Variants in OR7C1 observed in about 807,000 individuals in gnomAD.
OR7C1 encodes olfactory receptor family 7 subfamily C member 1, also known as olfactory receptor 7C1.
For missense variants in OR7C1, 324 were observed against 383.3 expected (o/e 0.85, Z 1.29); for synonymous variants, 152 against 160.7 (o/e 0.95, Z 0.41).
exon 5 of OR7C1, chr19:14,799,752 G>A: frequency 1.2e-6 from 2 of 1,614,048 alleles, no homozygotes; most frequent in Non-Finnish European, 1.7e-6. Context: ...TAGTGCAGGG[G>A]GTGACAGACG....
chr19:14,799,095 A>G, exon 5 of OR7C1: 1 of 1,495,010 alleles, frequency 6.7e-7, no homozygotes, highest in Middle Eastern at 1.8e-4. Flanking sequence ...GTAATTCCAG[A>G]ACTAAAAGAG....
At chr19:14,813,848 G>A (rs1056537439) in intron 1 of OR7C1, among the ~76,000 whole-genome samples, 3 of 151,936 alleles carry the variant, frequency 2.0e-5, no homozygotes, top group South Asian at 2.1e-4. Flanking sequence ...TGACACATGG[G>A]GATTACAATT....
chr19:14,828,159 A>G lies in OR7C1; in HGVS notation c.-623+6915T>C, dbSNP rs201864574. On this transcript the variant is annotated intron_variant, in intron 1 of 4. Transcript: ENST00000641666. ...CAGGTACATGGACAGGAACAGCCCAAAGAGGAAGGGTTGCAGTCCAGGTTC... is the reference window on the plus strand; with the variant it reads ...CAGGTACATGGACAGGAACAGCCCAGAGAGGAAGGGTTGCAGTCCAGGTTC... 2.7e-5 allele frequency: 44 copies of G among 1,614,164 alleles called. No individual in the cohort carries two copies. The highest frequency in any genetic ancestry group is 1.6e-4 in the Middle Eastern group (1 of 6,062).
At chr19:14,828,478 T>C (rs2044797154) in intron 1 of OR7C1, among the ~76,000 whole-genome samples, 1 of 152,120 alleles carries the variant, frequency 6.6e-6, no homozygotes, top group Non-Finnish European at 1.5e-5. Context: ...TAAGAACTTC[T>C]GGCTGGGCAC....
chr19:14,829,977 C>T (rs1363423078), intron 1 of OR7C1, among the ~76,000 whole-genome samples: 1 of 152,218 alleles, frequency 6.6e-6, no homozygotes, highest in Non-Finnish European at 1.5e-5. Flanking sequence ...ATCCTCCTGC[C>T]TCAGCCTCCC....
chr19:14,806,563 T>G (rs2044667364), intron 2 of OR7C1, among the ~76,000 whole-genome samples: 1 of 151,918 alleles, frequency 6.6e-6, no homozygotes, highest in Non-Finnish European at 1.5e-5. Flanking sequence ...GGCGTCAGTA[T>G]GTGTTGTTCC....
At chr19:14,828,366 A>T in intron 1 of OR7C1, 1 of 1,129,772 alleles carries the variant, frequency 8.9e-7, no homozygotes, top group Non-Finnish European at 1.2e-6. Context: ...CATTTTGTGT[A>T]TGAATCTGGT....
At chr19:14,817,430 ACCTATGCCT>A (rs1354346286) in intron 1 of OR7C1, among the ~76,000 whole-genome samples, 1 of 152,258 alleles carries the variant, frequency 6.6e-6, no homozygotes, top group East Asian at 1.9e-4. Context: ...TGGCTAGAGG[ACCTATGCCT>A]CACTCTTTCC....
intron 1 of OR7C1, among the ~76,000 whole-genome samples, chr19:14,823,984 T>A (rs2044753530): frequency 6.6e-6 from 1 of 152,208 alleles, no homozygotes; most frequent in African/African-American, 2.4e-5. Context: ...CTGTATTCTT[T>A]TCCATTGGTC....
chr19:14,827,115 C>G (rs1291232999), intron 1 of OR7C1: 2 of 592,354 alleles, frequency 3.4e-6, no homozygotes, highest in African/African-American at 3.9e-5. Context: ...TATCAGAGAG[C>G]AGAAAGCTTA....
At chr19:14,816,590 CA>C (rs2044717407) in intron 1 of OR7C1, among the ~76,000 whole-genome samples, 1 of 152,194 alleles carries the variant, frequency 6.6e-6, no homozygotes, top group Non-Finnish European at 1.5e-5. Flanking sequence ...CCTTCAGCCG[CA>C]GACTGAAGGC....
intron 1 of OR7C1, among the ~76,000 whole-genome samples, chr19:14,831,037 C>T (rs2044827220): frequency 6.6e-6 from 1 of 152,212 alleles, no homozygotes; most frequent in South Asian, 2.1e-4. Flanking sequence ...TTCTTGCTAA[C>T]CTGCCCATTG....
rs1043352753 is a variant in OR7C1, at chr19:14,804,560, G to A, written c.-434-3796C>T. ...TAGCAAAGGAAAGAATAATTAATTA[G>A]TAGAACCTGACCCCAAGGAAGCCTT... On this transcript the variant is annotated intron_variant, in intron 2 of 4. Coordinates refer to ENST00000641666, the Ensembl canonical transcript of OR7C1. 6.0e-5 allele frequency among the ~76,000 whole-genome samples: 9 copies of A among 150,470 alleles called. 1 individual carries two copies. The highest frequency in any genetic ancestry group is 1.5e-4 in the African/African-American group (6 of 39,882).
At chr19:14,821,687 T>G (rs1464569098) in intron 1 of OR7C1, among the ~76,000 whole-genome samples, 1 of 152,234 alleles carries the variant, frequency 6.6e-6, no homozygotes, top group African/African-American at 2.4e-5. Flanking sequence ...TATGATGTGC[T>G]TGAATATTTT....
chr19:14,827,292 T>C, intron 1 of OR7C1: 1 of 1,549,404 alleles, frequency 6.5e-7, no homozygotes, highest in African/African-American at 1.4e-5. Context: ...TCATGGGCAC[T>C]TCTTGAAAAA....
chr19:14,819,295 AT>A (rs970838498), intron 1 of OR7C1, among the ~76,000 whole-genome samples: 1 of 151,580 alleles, frequency 6.6e-6, no homozygotes, highest in Non-Finnish European at 1.5e-5. Flanking sequence ...TGCATTAGCT[AT>A]TTTTTTTAAT....
chr19:14,803,908 A>G (rs2044654315), intron 2 of OR7C1, among the ~76,000 whole-genome samples: 1 of 151,786 alleles, frequency 6.6e-6, no homozygotes, highest in Admixed American at 6.6e-5. Context: ...ACGGGGTTTC[A>G]CCGTGTTAGC....
intron 2 of OR7C1, among the ~76,000 whole-genome samples, chr19:14,804,413 A>G (rs1390758177): frequency 6.6e-6 from 1 of 152,224 alleles, no homozygotes; most frequent in East Asian, 1.9e-4. Flanking sequence ...AAATTACAAA[A>G]AGCAGCAACC....
intron 1 of OR7C1, chr19:14,827,931 A>G (rs754310833): frequency 1.4e-5 from 22 of 1,614,090 alleles, no homozygotes; most frequent in Non-Finnish European, 1.9e-5. Flanking sequence ...AAAGAGTATG[A>G]AAAAATACAT....
Sources: allele counts gnomAD v4.1 joint callset (sites outside exome capture counted in the v4.1 genomes callset), GRCh38; gene constraint gnomAD v4.1.1; transcripts MANE v1.5; gene names NCBI Gene and HGNC (gene_info 2026-07-23, HGNC 2026-07-21).